Variants in SNRK observed in about 807,000 individuals in gnomAD.
SNRK encodes SNF-related serine/threonine-protein kinase.
SNRK carries 3 observed loss-of-function variants against 48.2 expected under a neutral mutation model. The ratio of observed to expected loss-of-function variants is 0.06; its 90% CI spans 0.03 to 0.16. The LOEUF (loss-of-function observed/expected upper bound fraction) is 0.16. Among genes scored for constraint, SNRK ranks in the 10% least tolerant of loss-of-function variants. The pLI is 1.00. For synonymous variants in SNRK, 376 were observed against 366.1 expected, an observed-to-expected ratio of 1.03 and a Z score of -0.31; for missense variants, 627 against 976.0, an observed-to-expected ratio of 0.64 and a Z score of 4.76.
intron 3 of SNRK, among the ~76,000 whole-genome samples, chr3:43,307,575 T>A (rs1334696653): frequency 6.6e-6 from 1 of 152,228 alleles, no homozygotes; most frequent in Non-Finnish European, 1.5e-5. Context: ...TCTTTAATGT[T>A]ACTATTGTAG....
At chr3:43,341,403 G>A (rs893692256) in intron 5 of SNRK, among the ~76,000 whole-genome samples, 5 of 152,098 alleles carry the variant, frequency 3.3e-5, no homozygotes, top group African/African-American at 7.2e-5. Context: ...CGCCCGCCTT[G>A]GCCTCCCAAA....
At chr3:43,314,059 G>T (rs751358971) in intron 3 of SNRK, among the ~76,000 whole-genome samples, 2 of 152,124 alleles carry the variant, frequency 1.3e-5, no homozygotes, top group Admixed American at 6.5e-5. Context: ...TCAGTCTTAC[G>T]CTGGTATTTT....
rs1373639063 is a variant in SNRK, at chr3:43,350,362, T to A, written c.*1805T>A. The A allele has an allele frequency of 6.6e-6, 1 of 152,648 alleles. No homozygotes were observed. Among genetic ancestry groups the A allele is most frequent in the African/African-American group, 2.4e-5 (1 of 41,446 alleles). The allele number at this position is 152,648 out of a possible 1,614,324, so 9.5% of individuals were successfully genotyped here. On this transcript the variant is annotated 3_prime_UTR_variant, in exon 7 of 7. Transcript: ENST00000296088. ...CTGTATTAAACATAGGAGAGAAGTT[T>A]ATAAAGGGCATTGGCAATAAACTCT...
chr3:43,301,266 AATATAAAAGT>A (rs1258591355), intron 2 of SNRK, among the ~76,000 whole-genome samples: 2 of 152,218 alleles, frequency 1.3e-5, no homozygotes, highest in Non-Finnish European at 2.9e-5. Flanking sequence ...AAGTGGTATA[AATATAAAAGT>A]GACTTTATGC....
intron 2 of SNRK, among the ~76,000 whole-genome samples, chr3:43,302,098 A>T (rs2090901946): frequency 2.0e-5 from 3 of 152,196 alleles, no homozygotes; most frequent in East Asian, 1.9e-4. Flanking sequence ...GAATATAATC[A>T]CGTTATGCTG....
intron 3 of SNRK, among the ~76,000 whole-genome samples, chr3:43,324,155 T>C (rs763829050): frequency 6.6e-6 from 1 of 152,230 alleles, no homozygotes; most frequent in African/African-American, 2.4e-5. Context: ...AATAGGCTAA[T>C]AGTAAGGATT....
intron 2 of SNRK, among the ~76,000 whole-genome samples, chr3:43,302,594 A>G (rs1209214539): frequency 6.6e-6 from 1 of 151,952 alleles, no homozygotes. Context: ...TGAGGAGAGA[A>G]GGTAATTCCA....
Position 43,348,413 on chromosome 3 carries a change from G to A in SNRK, c.2154G>A (p.Leu718=), listed in dbSNP as rs372267354. The change falls in exon 7 of 7, where the codon TTG becomes TTA. Residue 718 remains leucine (L), a synonymous_variant. Transcript: ENST00000296088. ...SDHMADTTTE[L]ERIKSKNLKN... Reference sequence around the variant, plus strand: ...ACATGGCAGATACCACCACTGAATTGGAACGGATAAAGAGCAAGAACCTGA... The same window carrying A: ...ACATGGCAGATACCACCACTGAATTAGAACGGATAAAGAGCAAGAACCTGA... 4.3e-6 allele frequency: 7 copies of A among 1,612,158 alleles called. No individual in the cohort carries two copies. The highest frequency in any genetic ancestry group is 5.1e-6 in the Non-Finnish European group (6 of 1,179,126).
chr3:43,334,803 G>A (rs1041282896), intron 4 of SNRK, among the ~76,000 whole-genome samples: 2 of 152,008 alleles, frequency 1.3e-5, no homozygotes, highest in South Asian at 2.1e-4. Flanking sequence ...CATGTTGGCC[G>A]GGATGGTCTC....
At chr3:43,305,158 A>G (rs1432799086) in intron 3 of SNRK, among the ~76,000 whole-genome samples, 1 of 152,244 alleles carries the variant, frequency 6.6e-6, no homozygotes, top group African/African-American at 2.4e-5. Flanking sequence ...AAGTGTTGGT[A>G]AGACCATAGA....
intron 4 of SNRK, among the ~76,000 whole-genome samples, 197 bp from the exon 5 acceptor site, chr3:43,340,090 G>A (rs974038808): frequency 5.3e-5 from 8 of 151,638 alleles, no homozygotes; most frequent in South Asian, 2.1e-4. Flanking sequence ...GCTTATCAGC[G>A]TACCTGGAGG....
chr3:43,299,968 A>G (rs2090886708), intron 2 of SNRK, among the ~76,000 whole-genome samples, 153 bp downstream of exon 2: 1 of 152,198 alleles, frequency 6.6e-6, no homozygotes, highest in Non-Finnish European at 1.5e-5. Context: ...CTCAAAATGT[A>G]CTTAATAGTA....
In SNRK at chr3:43,347,601, G is replaced by T. The variant is rs748036941; in HGVS notation, c.1342G>T (p.Asp448Tyr). Reference sequence around the variant, plus strand: ...GAAGTGTCTGTTCAGGGTGGAAGAAGATGAAGAGGAAGATGAGGAGGACAA... The same window carrying T: ...GAAGTGTCTGTTCAGGGTGGAAGAATATGAAGAGGAAGATGAGGAGGACAA... ...GRKCLFRVEE[D>Y]EEEDEEDKKP... is the part of the protein sequence containing the mutation. The change falls in exon 7 of 7, where the codon GAT becomes TAT. Residue 448 changes from aspartate to tyrosine, a missense_variant. Physicochemically the swap from Asp to Tyr is radical, Grantham distance 160 (BLOSUM62 -3). Around this residue, in one of 4 missense-constraint regions of SNRK, gnomAD observed 175 missense variants for 209.7 expected, o/e 0.83. Coordinates refer to ENST00000296088, the MANE Select transcript of SNRK (RefSeq NM_017719.5). This position sits in a 1 kb window ranked among gnomAD's most constrained non-coding sequence, Gnocchi z 5.4. 1 of 1,613,888 alleles carries T rather than the reference G, an allele frequency of 6.2e-7. No individual in the cohort carries two copies. The highest frequency in any genetic ancestry group is 8.5e-7 in the Non-Finnish European group (1 of 1,180,032).
chr3:43,318,899 A>G (rs1559464609), intron 3 of SNRK, among the ~76,000 whole-genome samples: 1 of 152,078 alleles, frequency 6.6e-6, no homozygotes, highest in African/African-American at 2.4e-5. Context: ...GTGGTAGCGC[A>G]TGCATGTACT....
rs557053215 is a variant in SNRK at position 43,323,650 on chromosome 3, A to G, written c.590-8519A>G. On this transcript the variant is annotated intron_variant, in intron 3 of 6. Transcript: ENST00000296088. ...AAATGAGAATTTATGTTTATACAAAAGCCTGTACACACTTTTTTTGTGACT... is the reference window on the plus strand; with the variant it reads ...AAATGAGAATTTATGTTTATACAAAGGCCTGTACACACTTTTTTTGTGACT... Among the ~76,000 whole-genome samples the G allele has an allele frequency of 3.3e-5, 5 of 152,352 alleles. No individual in the cohort carries two copies. In the East Asian group the frequency reaches 9.6e-4, roughly 29 times the overall value.
chr3:43,309,449 A>G (rs1259497526), intron 3 of SNRK, among the ~76,000 whole-genome samples: 1 of 152,180 alleles, frequency 6.6e-6, no homozygotes, highest in Non-Finnish European at 1.5e-5. Context: ...CAAATGATGC[A>G]GCAAACTTCA....
intron 4 of SNRK, among the ~76,000 whole-genome samples, chr3:43,336,348 G>T (rs2091188617): frequency 6.7e-6 from 1 of 149,292 alleles, no homozygotes; most frequent in Non-Finnish European, 1.5e-5. Flanking sequence ...TCTTTTCTTA[G>T]ACAGGGTCTT....
In SNRK at chr3:43,322,877, G is replaced by A. The variant is rs185905149; in HGVS notation, c.590-9292G>A. 4.5e-3 allele frequency among the ~76,000 whole-genome samples: 665 copies of A among 148,812 alleles called. 3 individuals are homozygous for A. Among genetic ancestry groups the A allele is most frequent in the African/African-American group, 0.016 (634 of 40,180 alleles). On this transcript the variant is annotated intron_variant, in intron 3 of 6. Coordinates refer to ENST00000296088, the MANE Select transcript of SNRK (RefSeq NM_017719.5). ...TGAGGCAGGAGAATGGCGTGAACCC[G>A]GGAGGCGGAGCTTACAGTGAGCCGA...
chr3:43,324,215 C>T lies in SNRK; in HGVS notation c.590-7954C>T, dbSNP rs1271741446. Among the ~76,000 whole-genome samples, 6 of 152,304 alleles carry T rather than the reference C, an allele frequency of 3.9e-5. No homozygotes were observed. The South Asian group carries it at 1.2e-3, about 32-fold the overall frequency. ...GCCCTCCCACAGGCTGCTAATAAAT[C>T]TTACTGGCGTTAGGCCGGGCGTGGT... On this transcript the variant is annotated intron_variant, in intron 3 of 6. Transcript: ENST00000296088.
Sources: allele counts gnomAD v4.1 joint callset (sites outside exome capture counted in the v4.1 genomes callset), GRCh38; gene constraint gnomAD v4.1.1; regional missense constraint gnomAD v4.1.1; non-coding constraint Gnocchi (gnomAD v3.1); transcripts MANE v1.5; gene names NCBI Gene and HGNC (gene_info 2026-07-23, HGNC 2026-07-21).